Variants in MAVS observed in about 807,000 individuals in gnomAD.
The protein encoded by MAVS is mitochondrial antiviral-signaling protein.
Under a neutral mutation model 30.2 loss-of-function variants are expected in MAVS, and 20 were observed. That is an observed-to-expected ratio of 0.66 (90% CI 0.47 to 0.96). MAVS has a LOEUF of 0.96. Among genes scored for constraint, MAVS ranks in the 40% least tolerant of loss-of-function variants. The probability of loss-of-function intolerance (pLI) is 0.00; values close to 1 mark genes in which losing one functional copy is unlikely to be tolerated. For synonymous variants in MAVS, 278 were observed against 293.9 expected, an observed-to-expected ratio of 0.95 and a Z score of 0.55; for missense variants, 624 against 701.1, an observed-to-expected ratio of 0.89 and a Z score of 1.24.
intron 5 of MAVS, among the ~76,000 whole-genome samples, chr20:3,863,700 T>C (rs971979712): frequency 1.4e-4 from 21 of 152,196 alleles, no homozygotes; most frequent in Middle Eastern, 3.4e-3. Context: ...CCTGCTATCC[T>C]CTGCTTCCCC....
At chr20:3,854,846 C>T in intron 2 of MAVS, 105 bp downstream of exon 2, 1 of 682,590 alleles carries the variant, frequency 1.5e-6, no homozygotes, top group East Asian at 2.8e-5. Flanking sequence ...CTGGCTCCTT[C>T]CTTCTTCCTC....
At chr20:3,853,377 TCAGGAGGCTGAGG>T (rs1216523955) in intron 1 of MAVS, among the ~76,000 whole-genome samples, 1 of 150,532 alleles carries the variant, frequency 6.6e-6, no homozygotes, top group Non-Finnish European at 1.5e-5. Flanking sequence ...TCCCAGCTAC[TCAGGAGGCTGAGG>T]CAGGAGAATG....
chr20:3,848,831 C>T (rs919916479), intron 1 of MAVS, among the ~76,000 whole-genome samples: 53 of 152,192 alleles, frequency 3.5e-4, no homozygotes, highest in African/African-American at 1.2e-3. Flanking sequence ...GGTAAAAGGG[C>T]ACCTTCCATC....
Position 3,864,332 on chromosome 20 carries a change from C to T in MAVS, c.702C>T (p.Thr234=), listed in dbSNP as rs1321803146. The T allele has an allele frequency of 9.9e-6, 16 of 1,613,956 alleles. 1 individual carries two copies. The highest frequency in any genetic ancestry group is 3.3e-4 in the Middle Eastern group (2 of 6,062). ...SVSFQPLARS[T]PRASRLPGPT... ...CCTTCCAGCCCCTGGCCCGTTCCACCCCCAGGGCAAGCCGCTTGCCTGGAC... is the reference window on the plus strand; with the variant it reads ...CCTTCCAGCCCCTGGCCCGTTCCACTCCCAGGGCAAGCCGCTTGCCTGGAC... Residue 234 remains threonine, a synonymous_variant, in exon 6 of 7, where the codon ACC becomes ACT. Transcript: ENST00000428216.
chr20:3,860,751 A>T (rs962618395), intron 3 of MAVS, among the ~76,000 whole-genome samples: 1 of 150,086 alleles, frequency 6.7e-6, no homozygotes, highest in Non-Finnish European at 1.5e-5. Context: ...ATCTCAGCTC[A>T]CTGCAACCTC....
In MAVS at chr20:3,861,568, T is replaced by C. The variant is rs2089867790; in HGVS notation, c.465+64T>C. On this transcript the variant is annotated intron_variant, in intron 4 of 6. Transcript: ENST00000428216. ...GTTCCTATCTGCCCACTTCTGCCCA[T>C]TGAGCCTTCCAGAAACCCTCTCCCG... is the stretch of plus-strand genomic sequence containing the variant. 6 of 1,540,830 alleles carry C rather than the reference T, an allele frequency of 3.9e-6. No individual in the cohort carries two copies. In the South Asian group the frequency reaches 5.8e-5, roughly 15 times the overall value.
rs909142016 is a variant in MAVS, at chr20:3,870,940, G to C, written c.*4793G>C. 6.6e-6 allele frequency: 1 copy of C among 152,226 alleles called. No homozygotes were observed. Among genetic ancestry groups the C allele is most frequent in the Non-Finnish European group, 1.5e-5 (1 of 68,128 alleles). The allele number at this position is 152,226 out of a possible 1,614,324, so 9.4% of individuals were successfully genotyped here. On this transcript the variant is annotated 3_prime_UTR_variant, in exon 7 of 7. Transcript: ENST00000428216. Reference sequence around the variant, plus strand: ...CTGTTGCCCAGGCTGGAGTGCAGTGGTGCAACTTCGGCTCACTGCAACCTC... The same window carrying C: ...CTGTTGCCCAGGCTGGAGTGCAGTGCTGCAACTTCGGCTCACTGCAACCTC...
intron 3 of MAVS, among the ~76,000 whole-genome samples, chr20:3,858,255 G>A (rs1225178579): frequency 6.6e-6 from 1 of 151,244 alleles, no homozygotes; most frequent in East Asian, 1.9e-4. Flanking sequence ...CCCTCCCCTG[G>A]TTTACCCTGA....
chr20:3,856,428 G>A (rs1387946594), intron 2 of MAVS, among the ~76,000 whole-genome samples: 1 of 139,144 alleles, frequency 7.2e-6, no homozygotes, highest in East Asian at 2.2e-4. Flanking sequence ...GCCATCTTGG[G>A]TCAACCTCTG....
At chr20:3,859,039 A>T (rs1019140854) in intron 3 of MAVS, among the ~76,000 whole-genome samples, 2 of 151,888 alleles carry the variant, frequency 1.3e-5, no homozygotes, top group African/African-American at 4.8e-5. Flanking sequence ...GGCTGAAGCG[A>T]TCGGCCTCCC....
At chr20:3,864,882 TTC>T (rs1478625784) in intron 6 of MAVS, 94 bp downstream of exon 6, 4 of 1,473,936 alleles carry the variant, frequency 2.7e-6, no homozygotes, top group South Asian at 2.5e-5. Context: ...CCAGTCTGCA[TTC>T]TGTGTCCAGC....
rs369102660 is a variant in MAVS, at chr20:3,861,288, C to T, written c.293-44C>T. ...GATTACAGGCATGAGCCACTGTGCC[C>T]AGCCCTGATTCCTTCTTGATATCAC... On this transcript the variant is annotated intron_variant, in intron 3 of 6. Transcript: ENST00000428216. 7.0e-6 allele frequency: 11 copies of T among 1,563,296 alleles called. No homozygotes were observed. In the African/African-American group the frequency reaches 1.4e-4, roughly 19 times the overall value.
chr20:3,853,357 G>A (rs1031582426), intron 1 of MAVS, among the ~76,000 whole-genome samples: 2 of 151,282 alleles, frequency 1.3e-5, no homozygotes, highest in African/African-American at 4.8e-5. Flanking sequence ...GTGGTGGCGG[G>A]CGCCTGTCGT....
Position 3,864,331 on chromosome 20 carries a change from C to T in MAVS, c.701C>T (p.Thr234Ile). The T allele has an allele frequency of 6.2e-6, 10 of 1,613,958 alleles. No homozygotes were observed. Among genetic ancestry groups the T allele is most frequent in the Non-Finnish European group, 8.5e-6 (10 of 1,180,010 alleles). The stretch of plus-strand genomic sequence containing the variant: ...TCCTTCCAGCCCCTGGCCCGTTCCA[C>T]CCCCAGGGCAAGCCGCTTGCCTGGA... ...SVSFQPLARS[T>I]PRASRLPGPT... Residue 234 changes from threonine to isoleucine, a missense_variant, in exon 6 of 7, where the codon ACC becomes ATC. Transcript: ENST00000428216.
chr20:3,848,381 G>T (rs942967427), intron 1 of MAVS, among the ~76,000 whole-genome samples: 1 of 152,176 alleles, frequency 6.6e-6, no homozygotes, highest in Non-Finnish European at 1.5e-5. Context: ...TTCCAGGCGT[G>T]AGCCACCGCG....
chr20:3,850,885 CAAA>C (rs35643330), intron 1 of MAVS, among the ~76,000 whole-genome samples: 15 of 93,428 alleles, frequency 1.6e-4, no homozygotes, highest in Admixed American at 2.3e-4. Context: ...AACTCCGTCT[CAAA>C]AAAAAAAAAA....
chr20:3,874,616 T>G lies in MAVS; in HGVS notation c.*8469T>G. ...TTGGGGGGGTATATTTGGCTTTCTC[T>G]GGTTGGTCTGGAGTTGGAAGAGGGG... On this transcript the variant is annotated 3_prime_UTR_variant, in exon 7 of 7. Coordinates refer to ENST00000428216, the MANE Select transcript of MAVS (RefSeq NM_020746.5). The G allele has an allele frequency of 1.2e-5, 2 of 163,584 alleles. No homozygotes were observed. The highest frequency in any genetic ancestry group is 2.4e-5 in the African/African-American group (1 of 41,960). The allele number at this position is 163,584 out of a possible 1,614,324, so 10.1% of individuals were successfully genotyped here.
chr20:3,848,303 T>C (rs534401341), intron 1 of MAVS, among the ~76,000 whole-genome samples: 24 of 152,308 alleles, frequency 1.6e-4, no homozygotes, highest in African/African-American at 5.5e-4. Flanking sequence ...TTCACCATGT[T>C]GGCCAGGCTG....
intron 2 of MAVS, 150 bp downstream of exon 2, chr20:3,854,891 CTT>C (rs61256246): frequency 0.02 from 6,098 of 300,214 alleles, no homozygotes; most frequent in South Asian, 0.03. Flanking sequence ...TGCTGCTTTT[CTT>C]TTTTTTTTTT....
Sources: allele counts gnomAD v4.1 joint callset (sites outside exome capture counted in the v4.1 genomes callset), GRCh38; gene constraint gnomAD v4.1.1; transcripts MANE v1.5; gene names NCBI Gene and HGNC (gene_info 2026-07-23, HGNC 2026-07-21).